The following FGD6 variants were observed in gnomAD, a reference collection of about 807,000 sequenced individuals.
FGD6 encodes the protein FYVE, RhoGEF and PH domain containing 6, also known as FYVE, RhoGEF and PH domain-containing protein 6.
Under a neutral mutation model 149.4 loss-of-function variants are expected in FGD6, and 90 were observed. The ratio of observed to expected loss-of-function variants is 0.60; its 90% confidence interval spans 0.51 to 0.72. FGD6 has a LOEUF of 0.72. Ranked by LOEUF, FGD6 falls within the 30% of genes least tolerant of loss-of-function variation. The pLI is 0.00. For missense variants in FGD6, 1,437 were observed against 1,684.8 expected, an observed-to-expected ratio of 0.85 and a Z score of 2.57; for synonymous variants, 527 against 584.0, an observed-to-expected ratio of 0.90 and a Z score of 1.41.
chr12:95,137,566 A>G lies in FGD6; in HGVS notation c.2950T>C (p.Cys984Arg), dbSNP rs1018279488. Residue 984 changes from cysteine to arginine, a missense_variant, in exon 7 of 21, where the codon TGC (cysteine) becomes CGC (arginine). By Grantham distance (180) the Cys-to-Arg change is radical. Coordinates refer to ENST00000343958, the MANE Select transcript of FGD6 (RefSeq NM_018351.4). ...GCAGCAAAACCTGGATTTTTCTTGC[A>G]CTGTTCATCCAGCAAGGCTATATTC... ...DKNIALLDEQ[C>R]KKNPGFAAVV... 8 of 1,607,958 alleles carry G rather than the reference A, an allele frequency of 5.0e-6. No homozygotes were observed. The African/African-American group carries it at 1.1e-4, about 22-fold the overall frequency.
intron 18 of FGD6, among the ~76,000 whole-genome samples, chr12:95,088,765 G>C (rs542697934): frequency 1.3e-5 from 2 of 152,324 alleles, no homozygotes; most frequent in African/African-American, 4.8e-5. Context: ...ACGAAGTATG[G>C]ATACGTGCTG....
At chr12:95,092,099 G>C (rs1878074578) in intron 16 of FGD6, among the ~76,000 whole-genome samples, 1 of 152,156 alleles carries the variant, frequency 6.6e-6, no homozygotes, top group African/African-American at 2.4e-5. Context: ...ACCGTACCTG[G>C]CATGCAAAAA....
chr12:95,170,564 C>G (rs1471252567), intron 3 of FGD6, among the ~76,000 whole-genome samples: 1 of 152,162 alleles, frequency 6.6e-6, no homozygotes, highest in East Asian at 1.9e-4. Context: ...ATCACTTGAA[C>G]CCGGGAGGCA....
intron 3 of FGD6, among the ~76,000 whole-genome samples, chr12:95,170,526 C>G (rs1052671441): frequency 2.6e-5 from 4 of 152,054 alleles, no homozygotes; most frequent in African/African-American, 9.7e-5. Context: ...CCTGTAATTC[C>G]AGCTCCTCAG....
At chr12:95,199,926 T>C (rs543908422) in intron 2 of FGD6, among the ~76,000 whole-genome samples, 49 of 152,282 alleles carry the variant, frequency 3.2e-4, no homozygotes, top group African/African-American at 1.1e-3. Context: ...CTTGGGACTG[T>C]GGGATACATC....
chr12:95,141,612 C>A, intron 5 of FGD6, 73 bp from the exon 6 acceptor site: 1 of 1,524,276 alleles, frequency 6.6e-7, no homozygotes. Flanking sequence ...CCTCAGTCCC[C>A]CTCCTCCCTA....
At chr12:95,175,443 T>C (rs1047728760) in intron 2 of FGD6, among the ~76,000 whole-genome samples, 1 of 151,790 alleles carries the variant, frequency 6.6e-6, no homozygotes, top group East Asian at 1.9e-4. Context: ...AAGGGATGGA[T>C]GTAAGAGGAA....
intron 3 of FGD6, among the ~76,000 whole-genome samples, chr12:95,157,334 A>C (rs995896533): frequency 2.0e-5 from 3 of 152,182 alleles, no homozygotes; most frequent in Non-Finnish European, 2.9e-5. Context: ...TGGGAGGCTG[A>C]GGTGGGTGGA....
At position 95,204,737 on chromosome 12, in the gene FGD6, G is replaced by A. The variant is rs139230095; in HGVS notation, c.2441+4106C>T. ...ACACACACACACACATACACAGTCA[G>A]AGATAATTCACCTCCCTTGGGCTGG... On this transcript the variant is annotated intron_variant, in intron 2 of 20. Coordinates refer to ENST00000343958, the MANE Select transcript of FGD6 (RefSeq NM_018351.4). Among the ~76,000 whole-genome samples the A allele has an allele frequency of 2.5e-4, 38 of 152,186 alleles. 2 individuals carry two copies. The highest frequency in any genetic ancestry group is 8.9e-4 in the African/African-American group (37 of 41,516).
intron 8 of FGD6, among the ~76,000 whole-genome samples, chr12:95,117,521 C>CT (rs375318584): frequency 4.5e-4 from 68 of 152,106 alleles, no homozygotes; most frequent in African/African-American, 1.6e-3. Flanking sequence ...ATCTCCCAGG[C>CT]TCAAGTGGCT....
chr12:95,094,750 T>C lies in FGD6; in HGVS notation c.3498-56A>G, dbSNP rs952127283. 2.3e-6 allele frequency: 3 copies of C among 1,298,286 alleles called. No individual in the cohort carries two copies. In the Admixed American group the frequency reaches 5.2e-5, roughly 22 times the overall value. The allele number at this position is 1,298,286 out of a possible 1,614,324, so 80.4% of individuals were successfully genotyped here. A position where few individuals can be genotyped will look rare whatever the true frequency, so the allele number is the denominator to read the frequency against. ...ATGTCAGTTTTTGTTCTTTTCCTTTTTCTTCTTTTCTTTCTCCCATGGCAA... is the reference window on the plus strand; with the variant it reads ...ATGTCAGTTTTTGTTCTTTTCCTTTCTCTTCTTTTCTTTCTCCCATGGCAA... On this transcript the variant is annotated intron_variant, in intron 14 of 20. Transcript: ENST00000343958.
At chr12:95,197,348 G>A (rs1881758487) in intron 2 of FGD6, among the ~76,000 whole-genome samples, 1 of 152,126 alleles carries the variant, frequency 6.6e-6, no homozygotes, top group South Asian at 2.1e-4. Flanking sequence ...TGAGGCAGAA[G>A]AATCGCTTGA....
At chr12:95,092,982 A>G in intron 15 of FGD6, 137 bp from the exon 16 acceptor site, 1 of 978,894 alleles carries the variant, frequency 1.0e-6, no homozygotes, top group Non-Finnish European at 1.5e-6. Context: ...GCATTTTGGG[A>G]GGCCGAGTCG....
chr12:95,203,098 C>G (rs2056671514), intron 2 of FGD6, among the ~76,000 whole-genome samples: 2 of 152,154 alleles, frequency 1.3e-5, no homozygotes, highest in South Asian at 4.1e-4. Context: ...TCCTGATTTA[C>G]AATGAAAATC....
At chr12:95,159,485 C>G (rs61937920) in intron 3 of FGD6, among the ~76,000 whole-genome samples, 5,586 of 152,246 alleles carry the variant, frequency 0.037, 153 homozygotes, top group South Asian at 0.11. Flanking sequence ...AAACCATAGA[C>G]TGGAGAAAAT....
At position 95,077,816 on chromosome 12, in the gene FGD6, A is replaced by G. The variant is rs537682606; in HGVS notation, c.*3704T>C. The G allele has an allele frequency of 2.0e-5, 3 of 152,352 alleles. No homozygotes were observed. Among genetic ancestry groups the G allele is most frequent in the African/African-American group, 7.2e-5 (3 of 41,572 alleles). The allele number at this position is 152,352 out of a possible 1,614,324, so 9.4% of individuals were successfully genotyped here. ...AAATGGTATCTTTCTCTTACAGAAG[A>G]AAATAAACAGATTTGAATGGGAAGG... On this transcript the variant is annotated 3_prime_UTR_variant, in exon 21 of 21. Coordinates refer to ENST00000343958, the MANE Select transcript of FGD6 (RefSeq NM_018351.4).
intron 8 of FGD6, among the ~76,000 whole-genome samples, chr12:95,120,668 CAG>C (rs1200624111): frequency 2.0e-5 from 3 of 152,088 alleles, no homozygotes; most frequent in African/African-American, 7.2e-5. Context: ...GCCTGGGTGA[CAG>C]AGTGAAACTC....
At chr12:95,137,796 C>T in intron 6 of FGD6, 118 bp from the exon 7 acceptor site, 1 of 666,298 alleles carries the variant, frequency 1.5e-6, no homozygotes. Context: ...TCTTGTAAGA[C>T]ATACCTCAAA....
chr12:95,090,123 G>A (rs1264068508), intron 17 of FGD6, among the ~76,000 whole-genome samples: 1 of 152,092 alleles, frequency 6.6e-6, no homozygotes, highest in Non-Finnish European at 1.5e-5. Flanking sequence ...TGATTGCAGA[G>A]GGTTCAGGGA....
Sources: allele counts gnomAD v4.1 joint callset (sites outside exome capture counted in the v4.1 genomes callset), GRCh38; gene constraint gnomAD v4.1.1; transcripts MANE v1.5; gene names NCBI Gene and HGNC (gene_info 2026-07-23, HGNC 2026-07-21).